The following CTDP1 variants were observed in gnomAD, a reference collection of about 807,000 sequenced individuals.
CTDP1 encodes the protein CTD phosphatase 1, also known as RNA polymerase II subunit A C-terminal domain phosphatase.
A neutral mutation model predicts 91.8 loss-of-function variants in CTDP1; 47 were observed. The ratio of observed to expected loss-of-function variants is 0.51; its 90% CI spans 0.41 to 0.65. The LOEUF (loss-of-function observed/expected upper bound fraction) is 0.65. CTDP1 is among the 30% of genes least tolerant of loss of function. The probability of loss-of-function intolerance (pLI) is 0.00; values close to 1 mark genes in which losing one functional copy is unlikely to be tolerated. For synonymous variants in CTDP1, 656 were observed against 598.5 expected, an observed-to-expected ratio of 1.10 and a Z score of -1.40; for missense variants, 1,272 against 1,373.7, an observed-to-expected ratio of 0.93 and a Z score of 1.17.
chr18:79,736,317 G>A, intron 11 of CTDP1, 38 bp from the exon 12 acceptor site: 1 of 1,548,678 alleles, frequency 6.5e-7, no homozygotes, highest in South Asian at 1.2e-5. Flanking sequence ...ACGGGGCCCG[G>A]GAAGGAGGTC....
At chr18:79,718,081 G>C in intron 10 of CTDP1, 65 bp downstream of exon 10, 1 of 1,581,246 alleles carries the variant, frequency 6.3e-7, no homozygotes, top group Non-Finnish European at 8.6e-7. Flanking sequence ...GCTCCAGTCT[G>C]TTGGGGGGAT....
chr18:79,743,608 C>T (rs72976181), intron 12 of CTDP1, among the ~76,000 whole-genome samples: 1 of 149,716 alleles, frequency 6.7e-6, no homozygotes, highest in Non-Finnish European at 1.5e-5. Flanking sequence ...TAAATAATTA[C>T]AACGATGCAT....
intron 12 of CTDP1, among the ~76,000 whole-genome samples, chr18:79,747,683 G>T (rs930560139): frequency 2.6e-5 from 4 of 152,242 alleles, no homozygotes; most frequent in Non-Finnish European, 5.9e-5. Flanking sequence ...TCCGCCATGC[G>T]CAGCGCCTCC....
intron 1 of CTDP1, among the ~76,000 whole-genome samples, chr18:79,691,260 T>G (rs917535632): frequency 2.0e-5 from 3 of 152,216 alleles, no homozygotes; most frequent in African/African-American, 4.8e-5. Context: ...TCAACTTTCT[T>G]CAGACCTCAG....
chr18:79,743,089 C>T (rs907957128), intron 12 of CTDP1, among the ~76,000 whole-genome samples: 2 of 152,230 alleles, frequency 1.3e-5, no homozygotes, highest in Non-Finnish European at 1.5e-5. Flanking sequence ...CTGGAATTTA[C>T]AGCAAGAGCT....
At chr18:79,730,684 C>T (rs544358147) in intron 11 of CTDP1, among the ~76,000 whole-genome samples, 3 of 152,326 alleles carry the variant, frequency 2.0e-5, no homozygotes, top group Admixed American at 6.5e-5. Flanking sequence ...ATTTTTAAAG[C>T]CTCCTTGATT....
intron 5 of CTDP1, among the ~76,000 whole-genome samples, chr18:79,705,689 C>G (rs927295084): frequency 2.6e-5 from 4 of 152,240 alleles, no homozygotes; most frequent in African/African-American, 9.6e-5. Flanking sequence ...GCAGTGTAGG[C>G]AAGCTCCTCC....
At chr18:79,695,534 G>A (rs1442702306) in intron 2 of CTDP1, among the ~76,000 whole-genome samples, 1 of 152,196 alleles carries the variant, frequency 6.6e-6, no homozygotes, top group Admixed American at 6.5e-5. Flanking sequence ...TGTGGTGGGG[G>A]GGCATGCTGG....
At chr18:79,697,576 A>T (rs1457753847) in intron 3 of CTDP1, among the ~76,000 whole-genome samples, 1 of 152,204 alleles carries the variant, frequency 6.6e-6, no homozygotes, top group African/African-American at 2.4e-5. Context: ...TGAGCACTCC[A>T]TACTGTTGAA....
At chr18:79,745,035 G>C in intron 12 of CTDP1, among the ~76,000 whole-genome samples, 1 of 152,176 alleles carries the variant, frequency 6.6e-6, no homozygotes, top group East Asian at 1.9e-4. Context: ...GGGGTACCAG[G>C]CCACTCCATG....
At chr18:79,716,459 G>A (rs1252790428) in intron 8 of CTDP1, among the ~76,000 whole-genome samples, 1 of 152,228 alleles carries the variant, frequency 6.6e-6, no homozygotes, top group African/African-American at 2.4e-5. Context: ...TAGCTGCAGG[G>A]CAGAGGCGGG....
At chr18:79,748,834 G>T (rs1435320833) in intron 12 of CTDP1, among the ~76,000 whole-genome samples, 1 of 151,968 alleles carries the variant, frequency 6.6e-6, no homozygotes, top group Non-Finnish European at 1.5e-5. Flanking sequence ...TGGGAGCCGT[G>T]ACTGCACATG....
rs1344895655 is a variant in CTDP1, at chr18:79,715,395, C to T, written c.1935C>T (p.His645=). The change falls in exon 8 of 13, where the codon CAC becomes CAT. Residue 645 remains histidine, a synonymous_variant. Coordinates refer to ENST00000613122, the MANE Select transcript of CTDP1 (RefSeq NM_004715.5). ...TGGCCATAATTTTCAGTGGGCTACACCCGACAAACTTCCCGATAGAGAAGA... is the reference window on the plus strand; with the variant it reads ...TGGCCATAATTTTCAGTGGGCTACATCCGACAAACTTCCCGATAGAGAAGA... ...ADVAIIFSGL[H]PTNFPIEKTR... The T allele has an allele frequency of 6.2e-7, 1 of 1,605,164 alleles. No individual in the cohort carries two copies. Among genetic ancestry groups the T allele is most frequent in the South Asian group, 1.1e-5 (1 of 89,376 alleles).
Position 79,715,506 on chromosome 18 carries a change from G to T in CTDP1, c.2046G>T (p.Thr682=). 1.3e-6 allele frequency: 2 copies of T among 1,563,034 alleles called. No individual in the cohort carries two copies. ...VLSPDAPDRA[T]HLIAARAGTE... ...GCCCCGACGCCCCTGACAGGGCCACGCACCTGATCGCCGCGCGAGCTGGTG... is the reference window on the plus strand; with the variant it reads ...GCCCCGACGCCCCTGACAGGGCCACTCACCTGATCGCCGCGCGAGCTGGTG... The change falls in exon 8 of 13, where the codon ACG becomes ACT. Residue 682 remains threonine, a synonymous_variant. Coordinates refer to ENST00000613122, the MANE Select transcript of CTDP1 (RefSeq NM_004715.5).
At chr18:79,734,447 A>G (rs113729059) in intron 11 of CTDP1, among the ~76,000 whole-genome samples, 4,871 of 152,308 alleles carry the variant, frequency 0.032, 262 homozygotes, top group African/African-American at 0.11. Flanking sequence ...TTTAATGTGA[A>G]TGTGTGCCCA....
At chr18:79,681,458 C>T in intron 1 of CTDP1, 20 of 985,342 alleles carry the variant, frequency 2.0e-5, no homozygotes, top group Non-Finnish European at 2.3e-5. Flanking sequence ...TGGAAGATCC[C>T]TACTGAGGTT....
chr18:79,695,356 G>T, intron 2 of CTDP1, 48 bp downstream of exon 2: 4 of 1,566,312 alleles, frequency 2.6e-6, no homozygotes, highest in East Asian at 2.2e-5. Context: ...GCTCGAGGTG[G>T]TGGCCTCCGG....
At chr18:79,732,928 C>T (rs1438529367) in intron 11 of CTDP1, among the ~76,000 whole-genome samples, 5 of 151,844 alleles carry the variant, frequency 3.3e-5, no homozygotes, top group Non-Finnish European at 7.4e-5. Flanking sequence ...CATGAAAACT[C>T]GCTCTCACCA....
At chr18:79,714,404 A>G in intron 7 of CTDP1, 87 bp from the exon 8 acceptor site, 3 of 1,482,968 alleles carry the variant, frequency 2.0e-6, no homozygotes, top group Non-Finnish European at 2.8e-6. Flanking sequence ...CTTCACAGCC[A>G]TGGAGAAGGG....
Sources: gnomAD v4.1 joint callset for allele counts (sites outside exome capture counted in the v4.1 genomes callset) on GRCh38, gnomAD v4.1.1 for gene constraint, MANE v1.5 for transcripts, NCBI Gene and HGNC (gene_info 2026-07-23, HGNC 2026-07-21) for gene names.